Variants in SCLT1 observed in about 807,000 individuals in gnomAD.
SCLT1 encodes sodium channel and clathrin linker 1.
In SCLT1, 78 loss-of-function variants were observed where a neutral mutation model predicts 112.8. That is an observed-to-expected ratio of 0.69 (90% CI 0.58 to 0.83). The LOEUF (loss-of-function observed/expected upper bound fraction) is 0.83. Ranked by LOEUF, SCLT1 falls within the 40% of genes least tolerant of loss-of-function variation. The probability of loss-of-function intolerance (pLI) is 0.00; values close to 1 mark genes in which losing one functional copy is unlikely to be tolerated. For synonymous variants in SCLT1, 257 were observed against 254.7 expected (o/e 1.01, Z -0.09); for missense variants, 747 against 770.4 (o/e 0.97, Z 0.36).
intron 18 of SCLT1, among the ~76,000 whole-genome samples, chr4:128,926,770 C>A (rs1308747134): frequency 6.6e-6 from 1 of 151,622 alleles, no homozygotes; most frequent in Non-Finnish European, 1.5e-5. Context: ...ATATTTTTTA[C>A]TAAATGAATA....
chr4:129,069,961 A>G (rs1410867492), intron 2 of SCLT1, among the ~76,000 whole-genome samples: 1 of 152,074 alleles, frequency 6.6e-6, no homozygotes, highest in Admixed American at 6.6e-5. Flanking sequence ...TTTTAATCCT[A>G]AAGGGGTGCC....
intron 2 of SCLT1, among the ~76,000 whole-genome samples, chr4:129,065,888 C>T (rs912583921): frequency 1.3e-5 from 2 of 151,780 alleles, no homozygotes; most frequent in South Asian, 2.1e-4. Context: ...GAGGGAAACA[C>T]AAAATAGCAA....
At chr4:128,883,556 A>G (rs1014534817), downstream of SCLT1, among the ~76,000 whole-genome samples, 1 of 152,156 alleles carries the variant, frequency 6.6e-6, no homozygotes, top group Non-Finnish European at 1.5e-5. Flanking sequence ...AAAATATGAT[A>G]ATAATAATAA....
chr4:128,923,819 G>C (rs1030371215), intron 18 of SCLT1, among the ~76,000 whole-genome samples: 5 of 151,726 alleles, frequency 3.3e-5, no homozygotes, highest in African/African-American at 1.2e-4. Context: ...GATATATTTT[G>C]GTTTTATTTT....
At chr4:128,951,436 T>C (rs1373857403) in intron 14 of SCLT1, among the ~76,000 whole-genome samples, 2 of 152,158 alleles carry the variant, frequency 1.3e-5, no homozygotes, top group Non-Finnish European at 1.5e-5. Flanking sequence ...AAACTGAAAT[T>C]GTCATTCTTT....
At chr4:129,080,192 TCTTTA>T (rs1298478955) in intron 2 of SCLT1, among the ~76,000 whole-genome samples, 4 of 152,256 alleles carry the variant, frequency 2.6e-5, no homozygotes, top group African/African-American at 9.6e-5. Flanking sequence ...ATTCAGCTCC[TCTTTA>T]CTTATGCAAA....
intron 5 of SCLT1, among the ~76,000 whole-genome samples, chr4:129,016,347 G>A (rs891450963): frequency 2.0e-5 from 3 of 151,716 alleles, no homozygotes. Context: ...ACAGGCCCCA[G>A]TGTGTTGTTC....
At chr4:128,921,653 T>G (rs1735891839) in intron 18 of SCLT1, among the ~76,000 whole-genome samples, 1 of 152,208 alleles carries the variant, frequency 6.6e-6, no homozygotes, top group African/African-American at 2.4e-5. Flanking sequence ...TTCTTAAGGT[T>G]GATTAGAAAA....
intron 18 of SCLT1, among the ~76,000 whole-genome samples, chr4:128,899,814 A>C (rs1203710104): frequency 6.6e-6 from 1 of 152,254 alleles, no homozygotes; most frequent in Non-Finnish European, 1.5e-5. Flanking sequence ...GCTGATAGGC[A>C]ACTTCAGCAA....
At chr4:129,006,184 T>TA (rs1240157411) in intron 5 of SCLT1, among the ~76,000 whole-genome samples, 1 of 152,016 alleles carries the variant, frequency 6.6e-6, no homozygotes, top group Non-Finnish European at 1.5e-5. Flanking sequence ...ATTCATTTAA[T>TA]AAAAAAATGT....
At chr4:128,967,521 A>G (rs1349139635) in intron 10 of SCLT1, among the ~76,000 whole-genome samples, 1 of 152,126 alleles carries the variant, frequency 6.6e-6, no homozygotes, top group East Asian at 1.9e-4. Context: ...GGCATCTGTA[A>G]TTTTTTGACT....
At chr4:129,072,771 T>C (rs1751135337) in intron 2 of SCLT1, among the ~76,000 whole-genome samples, 1 of 152,174 alleles carries the variant, frequency 6.6e-6, no homozygotes, top group South Asian at 2.1e-4. Context: ...CTGATTAGCT[T>C]AATAACTAAA....
At chr4:129,074,910 C>T (rs1034571486) in intron 2 of SCLT1, among the ~76,000 whole-genome samples, 7 of 152,094 alleles carry the variant, frequency 4.6e-5, no homozygotes, top group Admixed American at 4.6e-4. Context: ...CTATGTTCCT[C>T]AGGCTGGTCT....
chr4:128,942,510 G>A (rs1737784650), intron 17 of SCLT1, among the ~76,000 whole-genome samples: 1 of 152,052 alleles, frequency 6.6e-6, no homozygotes, highest in African/African-American at 2.4e-5. Flanking sequence ...GGAAATAAGA[G>A]AGAAAAGAAA....
At chr4:128,956,980 G>C in intron 13 of SCLT1, 46 bp downstream of exon 13, 1 of 1,052,130 alleles carries the variant, frequency 9.5e-7, no homozygotes, top group East Asian at 2.5e-5. Context: ...TTAGTCTTTA[G>C]TTGTGACTTA....
At chr4:128,958,389 G>T (rs1451484561) in intron 12 of SCLT1, among the ~76,000 whole-genome samples, 1 of 152,134 alleles carries the variant, frequency 6.6e-6, no homozygotes, top group Non-Finnish European at 1.5e-5. Flanking sequence ...CTTTGAACAA[G>T]CAACTGAAGA....
At chr4:128,924,307 T>C (rs180690636) in intron 18 of SCLT1, among the ~76,000 whole-genome samples, 3 of 152,188 alleles carry the variant, frequency 2.0e-5, no homozygotes, top group African/African-American at 2.4e-5. Context: ...AGACAGAGTC[T>C]TGCTCTGTGG....
At chr4:129,038,409 A>C (rs541892842) in intron 5 of SCLT1, among the ~76,000 whole-genome samples, 1 of 152,178 alleles carries the variant, frequency 6.6e-6, no homozygotes, top group Non-Finnish European at 1.5e-5. Context: ...TGTGTATGTT[A>C]TTGAATAAAA....
intron 2 of SCLT1, among the ~76,000 whole-genome samples, chr4:129,061,538 T>C (rs1250566139): frequency 3.9e-5 from 6 of 152,088 alleles, no homozygotes; most frequent in African/African-American, 1.4e-4. Context: ...CTAAACACCA[T>C]TTTGCTAGAA....
Sources: allele counts gnomAD v4.1 joint callset (sites outside exome capture counted in the v4.1 genomes callset), GRCh38; gene constraint gnomAD v4.1.1; transcripts MANE v1.5; gene names NCBI Gene and HGNC (gene_info 2026-07-23, HGNC 2026-07-21).